Variants in FGD3 observed in about 807,000 individuals in gnomAD.
FGD3 encodes FYVE, RhoGEF and PH domain containing 3, also known as FYVE, RhoGEF and PH domain-containing protein 3.
Under a neutral mutation model 71.8 loss-of-function variants are expected in FGD3, and 45 were observed. That is an observed-to-expected ratio of 0.63 (90% confidence interval 0.49 to 0.80). The LOEUF (loss-of-function observed/expected upper bound fraction) is 0.80. Ranked by LOEUF, FGD3 falls within the 30% of genes least tolerant of loss-of-function variation. The pLI is 0.00. For synonymous variants in FGD3, 378 were observed against 392.8 expected (o/e 0.96, Z 0.44); for missense variants, 844 against 951.5 (o/e 0.89, Z 1.49).
At position 93,003,088 on chromosome 9, in the gene FGD3, A is replaced by G; in HGVS notation, c.543+74A>G. On this transcript the variant is annotated intron_variant, in intron 4 of 17. Transcript: ENST00000375482. The surrounding 1 kb of genome is among the most constrained non-coding windows in gnomAD (Gnocchi z 4.1). The stretch of plus-strand genomic sequence containing the variant: ...GGGCATTATAGGTGCAGTGTGAATG[A>G]CTTAAATACTAAAACTCAGACAAAT... 7.4e-7 allele frequency: 1 copy of G among 1,355,522 alleles called. No individual in the cohort carries two copies. Among genetic ancestry groups the G allele is most frequent in the African/African-American group, 1.5e-5 (1 of 68,450 alleles). The allele number at this position is 1,355,522 out of a possible 1,614,324, so 84.0% of individuals were successfully genotyped here.
chr9:93,032,826 T>C lies in FGD3; in HGVS notation c.1738T>C (p.Cys580Arg). The C allele has an allele frequency of 6.2e-7, 1 of 1,614,182 alleles. No individual in the cohort carries two copies. The highest frequency in any genetic ancestry group is 8.5e-7 in the Non-Finnish European group (1 of 1,180,022). The part of the protein sequence containing the change: ...KAENSRQSRV[C>R]RDCFLTQPVA... ...CGAGAACAGCCGGCAGAGCCGTGTCTGCAGAGATTGTTTCCTGACACAGCC... is the reference window on the plus strand; with the variant it reads ...CGAGAACAGCCGGCAGAGCCGTGTCCGCAGAGATTGTTTCCTGACACAGCC... The change falls in exon 16 of 18, where the codon TGC (cysteine) becomes CGC (arginine). Residue 580 changes from cysteine to arginine, a missense_variant. Transcript: ENST00000375482.
At chr9:92,981,368 CAAAAAAAA>C (rs11454338) in intron 3 of FGD3, among the ~76,000 whole-genome samples, 1 of 111,778 alleles carries the variant, frequency 8.9e-6, no homozygotes, top group Non-Finnish European at 1.8e-5. Context: ...ATTCCATCTC[CAAAAAAAA>C]AAAAAAAAGA....
At position 93,020,419 on chromosome 9, in the gene FGD3, A is replaced by G. The variant is rs1017410088; in HGVS notation, c.1489A>G (p.Met497Val). The change falls in exon 13 of 18, where the codon ATG becomes GTG. Residue 497 changes from methionine (M) to valine (V), a missense_variant. Transcript: ENST00000375482. ...QDEDPSLSPDMPITSTSPVEP... is the reference protein window; with the variant it reads ...QDEDPSLSPDVPITSTSPVEP... ...TGAGGACCCCAGCCTCTCTCCAGAC[A>G]TGCCTGTGAGTCAGTGGCCCGGGGT... 5 of 1,612,954 alleles carry G rather than the reference A, an allele frequency of 3.1e-6. No homozygotes were observed. In the African/African-American group the frequency reaches 6.7e-5, roughly 22 times the overall value.
chr9:92,983,875 T>C lies in FGD3; in HGVS notation c.453+7166T>C, dbSNP rs60049410. ...GCAAAAATATCCACATTTCCATGCC[T>C]TCTTATAATCTTTTACCAAAAGCAC... is the stretch of plus-strand genomic sequence containing the variant. On this transcript the variant is annotated intron_variant, in intron 3 of 17. Transcript: ENST00000375482. Among the ~76,000 whole-genome samples, 1,195 of 152,138 alleles carry C rather than the reference T, an allele frequency of 7.9e-3. 12 individuals carry two copies. The highest frequency in any genetic ancestry group is 0.025 in the African/African-American group (1,023 of 41,492).
At chr9:93,012,839 C>A (rs769683664) in intron 8 of FGD3, among the ~76,000 whole-genome samples, 2 of 152,168 alleles carry the variant, frequency 1.3e-5, no homozygotes, top group African/African-American at 4.8e-5. Context: ...GCTCACCCAG[C>A]CCCCTGGGAC....
At chr9:93,012,698 G>C (rs567958182) in intron 8 of FGD3, among the ~76,000 whole-genome samples, 3 of 138,624 alleles carry the variant, frequency 2.2e-5, no homozygotes, top group African/African-American at 5.5e-5. Flanking sequence ...GGGGTGTGGG[G>C]GGGGGAAGAA....
chr9:93,029,697 G>C (rs1862280852), intron 14 of FGD3, among the ~76,000 whole-genome samples, 177 bp from the exon 15 acceptor site: 2 of 152,240 alleles, frequency 1.3e-5, no homozygotes, highest in Admixed American at 1.3e-4. Context: ...TGGGAGGTGA[G>C]GGAGGGAAGA....
rs376038788 is a variant in FGD3, at chr9:93,003,132, CT to C, written c.543+132del. The C allele has an allele frequency of 0.19, 134,550 of 702,508 alleles. No homozygotes were observed. Among genetic ancestry groups the C allele is most frequent in the South Asian group, 0.27 (12,378 of 45,156 alleles). The allele number at this position is 702,508 out of a possible 1,614,324, so 43.5% of individuals were successfully genotyped here. On this transcript the variant is annotated intron_variant, in intron 4 of 17. Coordinates refer to ENST00000375482, the MANE Select transcript of FGD3 (RefSeq NM_001083536.2). This position sits in a 1 kb window ranked among gnomAD's most constrained non-coding sequence, Gnocchi z 4.1. ...GACAAATTTAAGTCTGGTCTACAAA[CT>C]TTTTTTTTTTTTTGAGACAAAGTCT...
intron 1 of FGD3, among the ~76,000 whole-genome samples, chr9:92,963,459 C>T (rs921948807): frequency 6.6e-6 from 1 of 152,080 alleles, no homozygotes; most frequent in African/African-American, 2.4e-5. Context: ...GTCACAATGC[C>T]CAGCTGATTT....
At chr9:93,033,726 G>A (rs942249120) in intron 16 of FGD3, 5 of 152,630 alleles carry the variant, frequency 3.3e-5, no homozygotes, top group Non-Finnish European at 5.8e-5. Context: ...AGTCTCCTGG[G>A]AAGCTTCTAG....
At chr9:93,020,457 C>G in intron 13 of FGD3, 33 bp downstream of exon 13, 1 of 1,582,978 alleles carries the variant, frequency 6.3e-7, no homozygotes, top group Non-Finnish European at 8.6e-7. Context: ...AGAGAGACCT[C>G]CAGGGGACGG....
Position 92,976,298 on chromosome 9 carries a change from T to C in FGD3, c.42T>C (p.Ile14=), listed in dbSNP as rs757531983. Residue 14 remains isoleucine, a synonymous_variant, in exon 3 of 18, where the codon ATT becomes ATC. Transcript: ENST00000375482. Reference sequence around the variant, plus strand: ...GGTCCTCAACCCCTCCAGGACCCATTGCTGCCCTAGGGATGCCAGACACTG... The same window carrying C: ...GGTCCTCAACCCCTCCAGGACCCATCGCTGCCCTAGGGATGCCAGACACTG... ...GRGSSTPPGP[I]AALGMPDTGP... 1 of 1,608,962 alleles carries C rather than the reference T, an allele frequency of 6.2e-7. No individual in the cohort carries two copies. Among genetic ancestry groups the C allele is most frequent in the South Asian group, 1.1e-5 (1 of 90,690 alleles).
intron 3 of FGD3, among the ~76,000 whole-genome samples, chr9:92,989,873 T>C (rs1012485080): frequency 6.6e-6 from 1 of 151,680 alleles, no homozygotes; most frequent in African/African-American, 2.4e-5. Context: ...TTTGGCATTA[T>C]GAATTGGGGT....
At chr9:93,022,545 G>A (rs1382568241) in intron 14 of FGD3, among the ~76,000 whole-genome samples, 156 bp downstream of exon 14, 1 of 152,182 alleles carries the variant, frequency 6.6e-6, no homozygotes, top group Non-Finnish European at 1.5e-5. Flanking sequence ...CTGTGACTGG[G>A]GGCCTGGGTG....
rs1437207267 is a variant in FGD3 at position 92,976,619 on chromosome 9, C to A, written c.363C>A (p.Thr121=). ...TGGACAGCCAGGTCCCGAAGGTCAC[C>A]CCCCAGGAGGAGGCGGACAGCGACG... The part of the protein sequence containing the change: ...MALDSQVPKV[T]PQEEADSDVG... The change falls in exon 3 of 18, where the codon ACC becomes ACA. Residue 121 remains threonine (T), a synonymous_variant. Coordinates refer to ENST00000375482, the MANE Select transcript of FGD3 (RefSeq NM_001083536.2). The A allele has an allele frequency of 3.1e-6, 5 of 1,612,736 alleles. No individual in the cohort carries two copies. Among genetic ancestry groups the A allele is most frequent in the African/African-American group, 2.7e-5 (2 of 74,914 alleles).
chr9:92,968,264 G>A (rs543719860), intron 1 of FGD3, among the ~76,000 whole-genome samples: 1 of 152,278 alleles, frequency 6.6e-6, no homozygotes, highest in Non-Finnish European at 1.5e-5. Flanking sequence ...AACAGTAGAA[G>A]TAACTTGTTA....
chr9:92,984,475 A>G (rs548375201), intron 3 of FGD3, among the ~76,000 whole-genome samples: 14 of 152,342 alleles, frequency 9.2e-5, no homozygotes, highest in African/African-American at 3.4e-4. Flanking sequence ...CAAAGAGGTT[A>G]TCTACATACT....
rs1219377058 is a variant in FGD3 at position 92,976,834 on chromosome 9, G to C, written c.453+125G>C. 13 of 1,125,134 alleles carry C rather than the reference G, an allele frequency of 1.2e-5. No homozygotes were observed. In the East Asian group the frequency reaches 3.4e-4, roughly 29 times the overall value. 69.7% of individuals were successfully genotyped at this position (1,125,134 alleles called of 1,614,324 possible). ...AATGTGGCACACAGGCTCGTGCTGT[G>C]TGCAAGGGGAGGTCCTGGGATGCAG... On this transcript the variant is annotated intron_variant, in intron 3 of 17. Coordinates refer to ENST00000375482, the MANE Select transcript of FGD3 (RefSeq NM_001083536.2).
chr9:93,031,710 C>G (rs1357686354), intron 15 of FGD3, among the ~76,000 whole-genome samples: 1 of 152,168 alleles, frequency 6.6e-6, no homozygotes, highest in Non-Finnish European at 1.5e-5. Context: ...CCAGTGCCTG[C>G]AGGTTTAGGT....
Sources: allele counts gnomAD v4.1 joint callset (sites outside exome capture counted in the v4.1 genomes callset), GRCh38; gene constraint gnomAD v4.1.1; non-coding constraint Gnocchi (gnomAD v3.1); transcripts MANE v1.5; gene names NCBI Gene and HGNC (gene_info 2026-07-23, HGNC 2026-07-21).